Variants in ATE1 observed in about 807,000 individuals in gnomAD.
ATE1 encodes arginyl-tRNA--protein transferase 1.
In ATE1, 36 loss-of-function variants were observed where a neutral mutation model predicts 70.5. That is an observed-to-expected ratio of 0.51 (90% CI 0.39 to 0.67). The LOEUF is 0.67. Among genes scored for constraint, ATE1 ranks in the 30% least tolerant of loss-of-function variants. The pLI, the probability that ATE1 is intolerant of heterozygous loss-of-function variation, is 0.00. For synonymous variants in ATE1, 232 were observed against 219.3 expected, an observed-to-expected ratio of 1.06 and a Z score of -0.51; for missense variants, 593 against 629.5, an observed-to-expected ratio of 0.94 and a Z score of 0.62.
chr10:121,816,572 T>C (rs1947551972), intron 10 of ATE1, among the ~76,000 whole-genome samples: 1 of 152,202 alleles, frequency 6.6e-6, no homozygotes, highest in Non-Finnish European at 1.5e-5. Flanking sequence ...TTTGTTTTCC[T>C]GTCCCTTCCA....
rs569759330 is a variant in ATE1 at position 121,893,231 on chromosome 10, C to T, written c.942+6635G>A. 1.4e-3 allele frequency among the ~76,000 whole-genome samples: 205 copies of T among 147,418 alleles called. 1 individual carries two copies. The highest frequency in any genetic ancestry group is 5.0e-3 in the African/African-American group (198 of 39,802). On this transcript the variant is annotated intron_variant, in intron 7 of 11. Transcript: ENST00000224652. The stretch of plus-strand genomic sequence containing the variant: ...GGCAGAGGTTGCAGTGAGCCAAGAT[C>T]ACGCCACTGCACTCTAGCCTGGGTG...
chr10:121,923,764 T>G (rs2134627377), intron 2 of ATE1, among the ~76,000 whole-genome samples: 1 of 152,272 alleles, frequency 6.6e-6, no homozygotes, highest in East Asian at 1.9e-4. Context: ...AATAAACTGT[T>G]AAAGAAGACA....
chr10:121,742,208 T>C lies in ATE1; in HGVS notation c.*1472A>G, dbSNP rs1010229053. Reference sequence around the variant, plus strand: ...TGAAGAAATGCGGCTGACTTGGATGTTGAGTTTCTAGAGATTTCAGTTTTA... The same window carrying C: ...TGAAGAAATGCGGCTGACTTGGATGCTGAGTTTCTAGAGATTTCAGTTTTA... On this transcript the variant is annotated 3_prime_UTR_variant, in exon 12 of 12. Coordinates refer to ENST00000224652, the MANE Select transcript of ATE1 (RefSeq NM_001001976.3). 6 of 152,206 alleles carry C rather than the reference T, an allele frequency of 3.9e-5. No individual in the cohort carries two copies. Among genetic ancestry groups the C allele is most frequent in the African/African-American group, 9.6e-5 (4 of 41,456 alleles). The allele number at this position is 152,206 out of a possible 1,614,324, so 9.4% of individuals were successfully genotyped here.
rs1277711784 is a variant in ATE1 at position 121,910,851 on chromosome 10, G to A, written c.583+55C>T. On this transcript the variant is annotated intron_variant, in intron 5 of 11. Transcript: ENST00000224652. ...GATGGAAAGACCCAGGGTTTAAAAT[G>A]ACTCAGCAAAAAGCAAAGCCGTGAA... 46 of 1,610,046 alleles carry A rather than the reference G, an allele frequency of 2.9e-5. 1 individual carries two copies. In the Admixed American group the frequency reaches 6.5e-4, roughly 23 times the overall value.
chr10:121,905,413 AAC>A (rs1392727290), intron 5 of ATE1, among the ~76,000 whole-genome samples: 1 of 152,214 alleles, frequency 6.6e-6, no homozygotes, highest in Admixed American at 6.5e-5. Context: ...TGAACTAAGA[AAC>A]ACACATTTTC....
In ATE1 at chr10:121,916,408, G is replaced by T. The variant is rs533725532; in HGVS notation, c.234-2515C>A. Among the ~76,000 whole-genome samples the T allele has an allele frequency of 2.1e-4, 32 of 152,188 alleles. No homozygotes were observed. The South Asian group carries it at 6.0e-3, about 29-fold the overall frequency. On this transcript the variant is annotated intron_variant, in intron 3 of 11. Coordinates refer to ENST00000224652, the MANE Select transcript of ATE1 (RefSeq NM_001001976.3). ...TCTGTACCCTCCCAAACTAAAGTTT[G>T]AGCAGTGAATCAAAGTTTGCAGACA...
At chr10:121,872,330 A>C (rs1949890320) in intron 7 of ATE1, among the ~76,000 whole-genome samples, 1 of 152,224 alleles carries the variant, frequency 6.6e-6, no homozygotes, top group African/African-American at 2.4e-5. Flanking sequence ...AAATAGACCT[A>C]AAAAATTCTC....
intron 11 of ATE1, among the ~76,000 whole-genome samples, chr10:121,763,183 A>C (rs1382571585): frequency 6.6e-6 from 1 of 152,232 alleles, no homozygotes; most frequent in African/African-American, 2.4e-5. Flanking sequence ...AAAACCTAAA[A>C]GTACGCCAAA....
rs148154214 is a variant in ATE1 at position 121,825,146 on chromosome 10, T to A, written c.1257+11572A>T. 7.9e-3 allele frequency among the ~76,000 whole-genome samples: 1,202 copies of A among 151,764 alleles called. 17 individuals carry two copies. Among genetic ancestry groups the A allele is most frequent in the African/African-American group, 0.028 (1,161 of 41,498 alleles). On this transcript the variant is annotated intron_variant, in intron 10 of 11. Transcript: ENST00000224652. ...ACTTTAATTTAAATATTAAGTTATA[T>A]AATAATTTATTAAATAATATAGTTT...
intron 8 of ATE1, among the ~76,000 whole-genome samples, chr10:121,851,050 C>G (rs1949033279): frequency 7.5e-6 from 1 of 133,874 alleles, no homozygotes; most frequent in African/African-American, 2.8e-5. Context: ...AAGGTCGCAC[C>G]ACTGCACTCC....
chr10:121,924,845 C>CA lies in ATE1; in HGVS notation c.107-517dup, dbSNP rs1295690450. Among the ~76,000 whole-genome samples the CA allele has an allele frequency of 7.1e-5, 7 of 98,438 alleles. No homozygotes were observed. In the East Asian group the frequency reaches 9.5e-4, roughly 13 times the overall value. 64.6% of individuals were successfully genotyped at this position (98,438 alleles called of 152,430 possible). A position where few individuals can be genotyped will look rare whatever the true frequency, so the allele number is the denominator to read the frequency against. On this transcript the variant is annotated intron_variant, in intron 1 of 11. Coordinates refer to ENST00000224652, the MANE Select transcript of ATE1 (RefSeq NM_001001976.3). ...GAATGACACTATATATATTTTCATT[C>CA]AAAAAAACACATCGAAGTTAATTAT...
intron 7 of ATE1, among the ~76,000 whole-genome samples, chr10:121,886,749 G>A (rs1358990524): frequency 1.3e-5 from 2 of 152,104 alleles, no homozygotes; most frequent in African/African-American, 4.8e-5. Context: ...ATATCAATTA[G>A]CCTAGGGTAA....
At chr10:121,839,351 A>G (rs1281217719) in intron 9 of ATE1, among the ~76,000 whole-genome samples, 1 of 152,236 alleles carries the variant, frequency 6.6e-6, no homozygotes, top group Non-Finnish European at 1.5e-5. Flanking sequence ...AGAGCTTATT[A>G]TGTAGAAATA....
At chr10:121,797,417 T>C (rs950074926) in intron 10 of ATE1, among the ~76,000 whole-genome samples, 2 of 152,140 alleles carry the variant, frequency 1.3e-5, no homozygotes, top group African/African-American at 2.4e-5. Flanking sequence ...TGTACAAGCA[T>C]CACCACTATC....
intron 5 of ATE1, among the ~76,000 whole-genome samples, chr10:121,909,480 A>C (rs1262601186): frequency 3.9e-5 from 6 of 152,182 alleles, no homozygotes; most frequent in Non-Finnish European, 8.8e-5. Context: ...TCTGAAATAC[A>C]GGATATCACA....
chr10:121,894,612 A>T (rs942849996), intron 7 of ATE1, among the ~76,000 whole-genome samples: 1 of 152,204 alleles, frequency 6.6e-6, no homozygotes, highest in East Asian at 1.9e-4. Context: ...AAAAATGAGC[A>T]AAGGGTGCCG....
intron 10 of ATE1, among the ~76,000 whole-genome samples, chr10:121,827,201 A>T (rs1948056804): frequency 6.6e-6 from 1 of 152,022 alleles, no homozygotes; most frequent in Non-Finnish European, 1.5e-5. Flanking sequence ...TTTAGTAGAG[A>T]CGGGGTTTCA....
intron 11 of ATE1, among the ~76,000 whole-genome samples, chr10:121,751,980 T>G (rs545562589): frequency 6.6e-6 from 1 of 151,496 alleles, no homozygotes; most frequent in Admixed American, 6.6e-5. Context: ...GATCGTGAGG[T>G]CAGGAAATCG....
At chr10:121,927,518 A>G (rs1027445527) in intron 1 of ATE1, 3 of 985,114 alleles carry the variant, frequency 3.0e-6, no homozygotes, top group African/African-American at 3.5e-5. Context: ...AGCCCCGGCC[A>G]TTAACTACGG....
Sources: gnomAD v4.1 joint callset for allele counts (sites outside exome capture counted in the v4.1 genomes callset) on GRCh38, gnomAD v4.1.1 for gene constraint, MANE v1.5 for transcripts, NCBI Gene and HGNC (gene_info 2026-07-23, HGNC 2026-07-21) for gene names.